NRXN1: variants seen among roughly 807,000 people sequenced by gnomAD.
NRXN1 encodes neurexin-1.
In NRXN1, 39 loss-of-function variants were observed where a neutral mutation model predicts 150.9. That is an observed-to-expected ratio of 0.26 (90% CI 0.20 to 0.34). The LOEUF (loss-of-function observed/expected upper bound fraction) is 0.34. NRXN1 is among the 10% of genes least tolerant of loss of function. The probability of loss-of-function intolerance (pLI) is 1.00; values close to 1 mark genes in which losing one functional copy is unlikely to be tolerated. For synonymous variants in NRXN1, 924 were observed against 757.0 expected (o/e 1.22, Z -3.62); for missense variants, 1,815 against 1,949.9 (o/e 0.93, Z 1.30).
chr2:50,227,663 A>C (rs74907221), intron 18 of NRXN1, among the ~76,000 whole-genome samples: 1,961 of 152,142 alleles, frequency 0.013, 46 homozygotes, highest in African/African-American at 0.044. Flanking sequence ...TTCTGGTAGC[A>C]GTGCAGAGGA....
chr2:50,071,491 A>G (rs77098153), intron 19 of NRXN1, among the ~76,000 whole-genome samples: 1,825 of 152,292 alleles, frequency 0.012, 49 homozygotes, highest in African/African-American at 0.042. Flanking sequence ...GGACACACAA[A>G]GAGACACAAG....
intron 17 of NRXN1, among the ~76,000 whole-genome samples, chr2:50,348,728 G>T (rs1372898360): frequency 1.3e-5 from 2 of 152,206 alleles, no homozygotes; most frequent in Non-Finnish European, 2.9e-5. Flanking sequence ...AACTTGGCTA[G>T]GAGGACCACA....
chr2:50,585,365 C>T (rs1204743449), intron 8 of NRXN1, among the ~76,000 whole-genome samples: 4 of 152,002 alleles, frequency 2.6e-5, no homozygotes, highest in Admixed American at 1.3e-4. Flanking sequence ...TTACCAGGGG[C>T]TTGTGGGAGA....
At chr2:50,504,438 A>G (rs2092118618) in intron 13 of NRXN1, among the ~76,000 whole-genome samples, 1 of 152,200 alleles carries the variant, frequency 6.6e-6, no homozygotes, top group African/African-American at 2.4e-5. Flanking sequence ...GAGAAGAGAC[A>G]GTGAGAGAGC....
At chr2:50,881,244 T>G (rs1679381690) in intron 5 of NRXN1, among the ~76,000 whole-genome samples, 1 of 152,058 alleles carries the variant, frequency 6.6e-6, no homozygotes, top group South Asian at 2.1e-4. Flanking sequence ...GTAAGCTTCA[T>G]CTTCCTGTTT....
intron 21 of NRXN1, among the ~76,000 whole-genome samples, chr2:49,978,374 T>A (rs956263494): frequency 2.6e-5 from 4 of 152,126 alleles, no homozygotes; most frequent in African/African-American, 9.7e-5. Flanking sequence ...CCTCTCCCCT[T>A]AGAAACTATG....
chr2:50,726,661 C>T (rs1697396520), intron 5 of NRXN1, among the ~76,000 whole-genome samples: 1 of 152,028 alleles, frequency 6.6e-6, no homozygotes. Flanking sequence ...AAAAAAGTGA[C>T]CGATCTAGTT....
chr2:50,304,418 A>C lies in NRXN1; in HGVS notation c.3365-67448T>G, dbSNP rs116893189. 1.6e-3 allele frequency among the ~76,000 whole-genome samples: 246 copies of C among 152,344 alleles called. 12 individuals carry two copies. In the East Asian group the frequency reaches 0.034, roughly 21 times the overall value. On this transcript the variant is annotated intron_variant, in intron 17 of 22. Transcript: ENST00000401669. ...AGCTAAAAATACTCCAGATATCAAAAACAAAAACTTGTAGTGGTAGCAACG... is the reference window on the plus strand; with the variant it reads ...AGCTAAAAATACTCCAGATATCAAACACAAAAACTTGTAGTGGTAGCAACG...
At chr2:50,738,511 T>C (rs935445088) in intron 5 of NRXN1, among the ~76,000 whole-genome samples, 1 of 152,328 alleles carries the variant, frequency 6.6e-6, no homozygotes, top group East Asian at 1.9e-4. Context: ...CTGTGATTTC[T>C]GAGCAATAAT....
intron 17 of NRXN1, among the ~76,000 whole-genome samples, chr2:50,345,429 G>C (rs548420635): frequency 2.0e-5 from 3 of 152,258 alleles, no homozygotes; most frequent in East Asian, 3.9e-4. Context: ...CATAAGGAGT[G>C]GGGCAAAGGA....
chr2:50,995,517 A>G (rs781628564), intron 2 of NRXN1, among the ~76,000 whole-genome samples: 2 of 151,426 alleles, frequency 1.3e-5, no homozygotes, highest in Non-Finnish European at 2.9e-5. Flanking sequence ...AGGCAGGAAA[A>G]TCGCATGAAC....
intron 8 of NRXN1, among the ~76,000 whole-genome samples, chr2:50,597,478 T>C (rs1675434122): frequency 6.6e-6 from 1 of 152,178 alleles, no homozygotes; most frequent in Non-Finnish European, 1.5e-5. Flanking sequence ...ATCTCTTCTC[T>C]TCCCTGTCTT....
Position 49,940,599 on chromosome 2 carries a change from A to G in NRXN1, c.4216+3105T>C, listed in dbSNP as rs562316262. On this transcript the variant is annotated intron_variant, in intron 22 of 22. Coordinates refer to ENST00000401669, the MANE Select transcript of NRXN1 (RefSeq NM_001330078.2). ...AAACAAACAGAAAAACACAACCCAT[A>G]TTCCAAGAAAAAAGTTGGAAAATAG... Among the ~76,000 whole-genome samples, 21 of 152,334 alleles carry G rather than the reference A, an allele frequency of 1.4e-4. No homozygotes were observed. The South Asian group carries it at 4.3e-3, about 32-fold the overall frequency.
In NRXN1 at chr2:50,451,091, T is replaced by C. The variant is rs541761602; in HGVS notation, c.3364+14351A>G. ...AAGGGATCCTTCTACTTCAGCCTCC[T>C]AGGTAGCTGGGACTACAGGTGCATG... On this transcript the variant is annotated intron_variant, in intron 17 of 22. Transcript: ENST00000401669. Among the ~76,000 whole-genome samples the C allele has an allele frequency of 3.4e-4, 52 of 152,224 alleles. 1 individual carries two copies. The highest frequency in any genetic ancestry group is 1.2e-3 in the African/African-American group (50 of 41,550).
chr2:50,347,109 C>T lies in NRXN1; in HGVS notation c.3365-110139G>A. 4.3e-6 allele frequency: 6 copies of T among 1,386,450 alleles called. No individual in the cohort carries two copies. In the South Asian group the frequency reaches 4.9e-5, roughly 11 times the overall value. 85.9% of individuals were successfully genotyped at this position (1,386,450 alleles called of 1,614,324 possible). On this transcript the variant is annotated intron_variant, in intron 17 of 22. Coordinates refer to ENST00000401669, the MANE Select transcript of NRXN1 (RefSeq NM_001330078.2). This position sits in a 1 kb window ranked among gnomAD's most constrained non-coding sequence, Gnocchi z 4.9. ...CTCTCCCTCCTTCGGACAGTCTTCT[C>T]GGGGTCCTGGAGTCCGCCGTGCCTA...
At chr2:50,370,318 A>G (rs2079923983) in intron 17 of NRXN1, among the ~76,000 whole-genome samples, 1 of 152,006 alleles carries the variant, frequency 6.6e-6, no homozygotes, top group Non-Finnish European at 1.5e-5. Context: ...TTAATATTGT[A>G]CATCACCCTG....
rs1373347326 is a variant in NRXN1, at chr2:50,346,414, G to A, written c.3365-109444C>T. On this transcript the variant is annotated intron_variant, in intron 17 of 22. Coordinates refer to ENST00000401669, the MANE Select transcript of NRXN1 (RefSeq NM_001330078.2). This position sits in a 1 kb window ranked among gnomAD's most constrained non-coding sequence, Gnocchi z 5.0. ...CCCTTCCCGCGGGGCCCAGCCGCGC[G>A]ACCAGGGCTGGTCCTTTAGTAGGTG... is the stretch of plus-strand genomic sequence containing the variant. Among the ~76,000 whole-genome samples, 1 of 152,064 alleles carries A rather than the reference G, an allele frequency of 6.6e-6. No individual in the cohort carries two copies. Among genetic ancestry groups the A allele is most frequent in the African/African-American group, 2.4e-5 (1 of 41,410 alleles).
chr2:51,024,632 G>A (rs1406705159), intron 2 of NRXN1, among the ~76,000 whole-genome samples: 1 of 152,140 alleles, frequency 6.6e-6, no homozygotes, highest in Non-Finnish European at 1.5e-5. Context: ...ATTCATAGGT[G>A]CATAAGTTGT....
chr2:51,025,392 T>C (rs2105310641), intron 2 of NRXN1, among the ~76,000 whole-genome samples: 1 of 152,312 alleles, frequency 6.6e-6, no homozygotes, highest in South Asian at 2.1e-4. Flanking sequence ...TGCTTCTCTT[T>C]AACAAATTAC....
Sources: allele counts gnomAD v4.1 joint callset (sites outside exome capture counted in the v4.1 genomes callset), GRCh38; gene constraint gnomAD v4.1.1; non-coding constraint Gnocchi (gnomAD v3.1); transcripts MANE v1.5; gene names NCBI Gene and HGNC (gene_info 2026-07-23, HGNC 2026-07-21).